MED13L: variants seen among roughly 807,000 people sequenced by gnomAD.
The protein encoded by MED13L is mediator of RNA polymerase II transcription subunit 13-like.
A neutral mutation model predicts 220.9 loss-of-function variants in MED13L; 7 were observed. The ratio of observed to expected loss-of-function variants is 0.03; its 90% CI spans 0.02 to 0.06. MED13L has a LOEUF of 0.06. Ranked by LOEUF, MED13L falls within the 10% of genes least tolerant of loss-of-function variation. The pLI, the probability that MED13L is intolerant of heterozygous loss-of-function variation, is 1.00. For missense variants in MED13L, 1,965 were observed against 2,760.5 expected (o/e 0.71, Z 6.46); for synonymous variants, 1,011 against 1,015.2 (o/e 1.00, Z 0.08).
At chr12:116,071,253 AATGACT>A (rs1870348920) in intron 4 of MED13L, among the ~76,000 whole-genome samples, 1 of 152,210 alleles carries the variant, frequency 6.6e-6, no homozygotes, top group African/African-American at 2.4e-5. Flanking sequence ...TTTTAAGATA[AATGACT>A]TCTTTATCTC....
At chr12:116,086,435 A>G (rs576628512) in intron 4 of MED13L, among the ~76,000 whole-genome samples, 84 of 152,048 alleles carry the variant, frequency 5.5e-4, no homozygotes, top group Non-Finnish European at 1.2e-3. Flanking sequence ...GACTTGCACC[A>G]CCACGCCCAG....
At position 116,265,517 on chromosome 12, in the gene MED13L, G is replaced by A. The variant is rs532193448; in HGVS notation, c.72+11543C>T. Among the ~76,000 whole-genome samples the A allele has an allele frequency of 5.9e-5, 9 of 152,130 alleles. No homozygotes were observed. The South Asian group carries it at 1.0e-3, about 18-fold the overall frequency. On this transcript the variant is annotated intron_variant, in intron 1 of 30. Coordinates refer to ENST00000281928, the MANE Select transcript of MED13L (RefSeq NM_015335.5). ...TCTATATCGTCTTGGATTATCTCCC[G>A]TTTTAGTTTCATATCCCATCTGCTC...
chr12:116,002,812 G>T (rs1878828627), intron 14 of MED13L, among the ~76,000 whole-genome samples, 191 bp downstream of exon 14: 1 of 152,188 alleles, frequency 6.6e-6, no homozygotes, highest in South Asian at 2.1e-4. Flanking sequence ...TTCAAATTAA[G>T]ATGGTTTCTG....
At chr12:116,235,784 A>C (rs1253783827) in intron 2 of MED13L, among the ~76,000 whole-genome samples, 1 of 152,180 alleles carries the variant, frequency 6.6e-6, no homozygotes, top group African/African-American at 2.4e-5. Context: ...GGCATAGATA[A>C]ATAAATTTAT....
At chr12:116,216,827 T>C (rs543878496) in intron 2 of MED13L, among the ~76,000 whole-genome samples, 9 of 152,220 alleles carry the variant, frequency 5.9e-5, no homozygotes, top group African/African-American at 1.7e-4. Flanking sequence ...AATACATTAC[T>C]GTACTTGATT....
intron 4 of MED13L, among the ~76,000 whole-genome samples, chr12:116,088,236 G>C (rs1355488269): frequency 6.6e-6 from 1 of 152,060 alleles, no homozygotes; most frequent in Non-Finnish European, 1.5e-5. Context: ...ACCCGACCTT[G>C]GTTCTTAGTG....
chr12:116,024,218 G>C (rs1022455510), intron 4 of MED13L, among the ~76,000 whole-genome samples: 1 of 151,874 alleles, frequency 6.6e-6, no homozygotes, highest in Non-Finnish European at 1.5e-5. Flanking sequence ...TCTAAGAATG[G>C]TGCAAGGAGC....
At chr12:116,165,259 CTTTTTTTTTTTTT>C (rs34196219) in intron 2 of MED13L, among the ~76,000 whole-genome samples, 13 of 74,494 alleles carry the variant, frequency 1.7e-4, no homozygotes, top group Non-Finnish European at 2.9e-4. Context: ...AGGCACCATC[CTTTTTTTTTTTTT>C]TTTTTTTTTT....
chr12:116,015,063 G>A lies in MED13L; in HGVS notation c.1175+46C>T, dbSNP rs956025729. On this transcript the variant is annotated intron_variant, in intron 8 of 30. Coordinates refer to ENST00000281928, the MANE Select transcript of MED13L (RefSeq NM_015335.5). ...TGACATTTTCCAGGTAGCAATCAAGGAGATGGTTACTAAACTATGATCTAG... is the reference window on the plus strand; with the variant it reads ...TGACATTTTCCAGGTAGCAATCAAGAAGATGGTTACTAAACTATGATCTAG... The A allele has an allele frequency of 3.2e-6, 5 of 1,569,312 alleles. No individual in the cohort carries two copies. In the Admixed American group the frequency reaches 8.3e-5, roughly 26 times the overall value.
rs763787315 is a variant in MED13L at position 116,008,718 on chromosome 12, A to G, written c.1695T>C (p.Gly565=). Residue 565 remains glycine (G), a synonymous_variant, in exon 10 of 31, where the codon GGT becomes GGC. Transcript: ENST00000281928. The part of the protein sequence containing the change: ...LPPTLSPQPR[G]QETESLDPPS... ...GTGGGTCCAAACTCTCTGTTTCCTG[A>G]CCTCGTGGCTGAGGGCTGAGTGTTG... The G allele has an allele frequency of 4.3e-6, 7 of 1,613,808 alleles. No homozygotes were observed. In the South Asian group the frequency reaches 7.7e-5, roughly 18 times the overall value.
intron 2 of MED13L, among the ~76,000 whole-genome samples, chr12:116,173,159 A>C (rs1011821918): frequency 1.3e-5 from 2 of 152,044 alleles, no homozygotes; most frequent in African/African-American, 4.8e-5. Context: ...CAATCTAAAA[A>C]AACTATCACT....
intron 4 of MED13L, among the ~76,000 whole-genome samples, chr12:116,047,155 GA>G (rs1881888273): frequency 1.3e-5 from 2 of 152,204 alleles, no homozygotes; most frequent in East Asian, 3.9e-4. Flanking sequence ...TTTGAGACCA[GA>G]CTGAGCAAAA....
At chr12:116,085,762 A>T (rs1383052065) in intron 4 of MED13L, among the ~76,000 whole-genome samples, 1 of 150,178 alleles carries the variant, frequency 6.7e-6, no homozygotes, top group East Asian at 2.0e-4. Flanking sequence ...ACTCACACAC[A>T]CACACACACA....
At chr12:116,092,819 T>C (rs1300191088) in intron 4 of MED13L, among the ~76,000 whole-genome samples, 1 of 152,150 alleles carries the variant, frequency 6.6e-6, no homozygotes, top group East Asian at 1.9e-4. Context: ...CAAAAGTAAT[T>C]AGAATATCTG....
At chr12:116,270,254 G>A (rs1873187461) in intron 1 of MED13L, among the ~76,000 whole-genome samples, 1 of 151,538 alleles carries the variant, frequency 6.6e-6, no homozygotes, top group African/African-American at 2.4e-5. Context: ...CGATTCCCCT[G>A]CCTCAGCCTC....
Position 116,007,420 on chromosome 12 carries a change from T to C in MED13L, c.2229A>G (p.Lys743=), listed in dbSNP as rs1879118342. The C allele has an allele frequency of 1.2e-6, 2 of 1,612,056 alleles. No individual in the cohort carries two copies. Among genetic ancestry groups the C allele is most frequent in the Non-Finnish European group, 1.7e-6 (2 of 1,178,246 alleles). Residue 743 remains lysine, a synonymous_variant, in exon 11 of 31, where the codon AAA becomes AAG. Transcript: ENST00000281928. ...CTCTGTTAAATGGTACCTTATTCTT[T>C]TTCAGGGAATCTTTCTCCGTCCCTT... ...CKQGTEKDSL[K]KNKSEDGFGT...
In MED13L at chr12:116,009,130, T is replaced by C. The variant is rs144410580; in HGVS notation, c.1283A>G (p.His428Arg). 1.8e-3 allele frequency: 2,859 copies of C among 1,613,982 alleles called. 22 individuals are homozygous for C. Among genetic ancestry groups the C allele is most frequent in the Non-Finnish European group, 1.2e-3 (1,466 of 1,179,924 alleles). The change falls in exon 10 of 31, where the codon CAT (histidine) becomes CGT (arginine). Residue 428 changes from histidine to arginine, a missense_variant and splice_region_variant. This residue lies in a region of MED13L where 818 missense variants were observed against 1,041.2 expected (regional missense o/e 0.79). Coordinates refer to ENST00000281928, the MANE Select transcript of MED13L (RefSeq NM_015335.5). Reference protein sequence around the residue: ...TQRVSCSCSRHKLLKRCAVGP... With the variant: ...TQRVSCSCSRRKLLKRCAVGP... The stretch of plus-strand genomic sequence containing the variant: ...GACTGCACAACGTTTTAAAAGCTTA[T>C]GCCTAAAATGAGAGTAAACAATTAC...
intron 2 of MED13L, among the ~76,000 whole-genome samples, chr12:116,225,171 T>G (rs1388072413): frequency 6.6e-6 from 1 of 152,226 alleles, no homozygotes; most frequent in Non-Finnish European, 1.5e-5. Context: ...GCACATTGTC[T>G]CAACCATACT....
At chr12:115,963,613 A>G in intron 29 of MED13L, 94 bp from the exon 30 acceptor site, 1 of 920,218 alleles carries the variant, frequency 1.1e-6, no homozygotes, top group Non-Finnish European at 1.8e-6. Flanking sequence ...GATGCTCCCA[A>G]AAGTCCGTAG....
Sources: gnomAD v4.1 joint callset for allele counts (sites outside exome capture counted in the v4.1 genomes callset) on GRCh38, gnomAD v4.1.1 for gene constraint, gnomAD v4.1.1 regional missense constraint, MANE v1.5 for transcripts, NCBI Gene and HGNC (gene_info 2026-07-23, HGNC 2026-07-21) for gene names.